Variants in LOC128706665 observed in about 807,000 individuals in gnomAD.
At chr20:10,432,585 G>A in the LOC128706665 span, among the ~76,000 whole-genome samples, 2 of 152,042 alleles carry the variant, frequency 1.3e-5, no homozygotes, top group African/African-American at 4.8e-5. Flanking sequence ...CTGAGGTCAG[G>A]AGTTCAAGAC....
At chr20:10,431,515 G>T in the LOC128706665 span, among the ~76,000 whole-genome samples, 1 of 146,066 alleles carries the variant, frequency 6.8e-6, no homozygotes, top group Admixed American at 6.9e-5. Context: ...ACTCAATGCT[G>T]TATAGGGTCA....
the LOC128706665 span, chr20:10,413,838 AT>A: frequency 2.2e-6 from 1 of 457,220 alleles, no homozygotes; most frequent in Non-Finnish European, 3.9e-6. Context: ...TATGAAAGAT[AT>A]CCCAGCTACA....
the LOC128706665 span, chr20:10,414,027 T>A: frequency 2.6e-6 from 1 of 387,360 alleles, no homozygotes; most frequent in Non-Finnish European, 4.5e-6. Flanking sequence ...GCTGCCTTTT[T>A]AGAAAAAGGA....
At chr20:10,424,091 C>A in the LOC128706665 span, among the ~76,000 whole-genome samples, 1 of 152,130 alleles carries the variant, frequency 6.6e-6, no homozygotes, top group African/African-American at 2.4e-5. Context: ...TTTCACGTTA[C>A]AAACTATTTT....
the LOC128706665 span, among the ~76,000 whole-genome samples, chr20:10,420,917 G>A: frequency 6.6e-6 from 1 of 152,082 alleles, no homozygotes; most frequent in Non-Finnish European, 1.5e-5. Flanking sequence ...TAAACAAAAA[G>A]AGACATGTCA....
At chr20:10,423,031 A>C in the LOC128706665 span, among the ~76,000 whole-genome samples, 1 of 152,060 alleles carries the variant, frequency 6.6e-6, no homozygotes, top group Non-Finnish European at 1.5e-5. Context: ...CATTACTTTT[A>C]AGAGCCATTT....
the LOC128706665 span, chr20:10,420,848 T>G: frequency 1.3e-5 from 2 of 152,238 alleles, no homozygotes; most frequent in African/African-American, 4.8e-5. Flanking sequence ...AGTAGCATGC[T>G]GTACTCTAAC....
chr20:10,418,450 G>A, the LOC128706665 span, among the ~76,000 whole-genome samples: 1 of 152,052 alleles, frequency 6.6e-6, no homozygotes, highest in Admixed American at 6.6e-5. Flanking sequence ...ACAAATAAAT[G>A]CATTCTTTTG....
At chr20:10,427,028 T>TCACACA in the LOC128706665 span, among the ~76,000 whole-genome samples, 1 of 61,436 alleles carries the variant, frequency 1.6e-5, no homozygotes, top group Non-Finnish European at 3.2e-5. Context: ...AAGAAAACAC[T>TCACACA]GACACACACA....
At chr20:10,414,531 C>T in the LOC128706665 span, among the ~76,000 whole-genome samples, 3 of 152,092 alleles carry the variant, frequency 2.0e-5, no homozygotes, top group Non-Finnish European at 4.4e-5. Context: ...TCCCAAAGTG[C>T]TGGGATTACA....
At chr20:10,419,069 T>C in the LOC128706665 span, among the ~76,000 whole-genome samples, 25 of 152,120 alleles carry the variant, frequency 1.6e-4, no homozygotes, top group Non-Finnish European at 1.9e-4. Context: ...TGATTTAAAA[T>C]ATTGTTGAAA....
At chr20:10,432,441 T>C in the LOC128706665 span, among the ~76,000 whole-genome samples, 2 of 152,232 alleles carry the variant, frequency 1.3e-5, no homozygotes, top group South Asian at 2.1e-4. Flanking sequence ...ATTTGGGGGA[T>C]TGCATCCAGG....
At chr20:10,433,691 G>A in the LOC128706665 span, among the ~76,000 whole-genome samples, 3 of 152,112 alleles carry the variant, frequency 2.0e-5, no homozygotes, top group African/African-American at 7.2e-5. Context: ...CCGTCGGAGG[G>A]CGGCCCCCAC....
At chr20:10,431,450 T>C in the LOC128706665 span, among the ~76,000 whole-genome samples, 3 of 152,100 alleles carry the variant, frequency 2.0e-5, no homozygotes, top group Non-Finnish European at 2.9e-5. Context: ...ATGATTCTTG[T>C]CCTCAAGGAG....
chr20:10,433,179 T>A, the LOC128706665 span, among the ~76,000 whole-genome samples: 1 of 152,240 alleles, frequency 6.6e-6, no homozygotes, highest in Non-Finnish European at 1.5e-5. Context: ...CATTTTTTTG[T>A]ACTTTTAGCA....
At chr20:10,416,979 GA>G in the LOC128706665 span, among the ~76,000 whole-genome samples, 2,063 of 152,062 alleles carry the variant, frequency 0.014, 38 homozygotes, top group African/African-American at 0.045. Context: ...ATCTTTTATA[GA>G]AAAAAAGTTT....
At chr20:10,418,208 A>C in the LOC128706665 span, among the ~76,000 whole-genome samples, 1 of 152,254 alleles carries the variant, frequency 6.6e-6, no homozygotes, top group Non-Finnish European at 1.5e-5. Flanking sequence ...AAAATATTCT[A>C]GCAGTTCAAA....
At chr20:10,429,878 G>A in the LOC128706665 span, among the ~76,000 whole-genome samples, 17 of 152,248 alleles carry the variant, frequency 1.1e-4, no homozygotes, top group East Asian at 3.1e-3. Flanking sequence ...TGCCCCTCCT[G>A]ACCTACTGAG....
the LOC128706665 span, among the ~76,000 whole-genome samples, chr20:10,422,632 G>C: frequency 6.6e-6 from 1 of 151,694 alleles, no homozygotes; most frequent in Admixed American, 6.6e-5. Context: ...AGAAGATACT[G>C]TTATTTATAT....
Sources: allele counts gnomAD v4.1 joint callset (sites outside exome capture counted in the v4.1 genomes callset), GRCh38; gene constraint gnomAD v4.1.1; transcripts MANE v1.5.